Variants in PCDH19 observed in about 807,000 individuals in gnomAD.
PCDH19 encodes the protein protocadherin 19, also known as protocadherin-19.
PCDH19 carries 6 observed loss-of-function variants against 46.2 expected under a neutral mutation model. The ratio of observed to expected loss-of-function variants is 0.13; its 90% CI spans 0.07 to 0.26. The LOEUF (loss-of-function observed/expected upper bound fraction) is 0.26, where lower values mean the gene tolerates loss of function less well. Ranked by LOEUF, PCDH19 falls within the 10% of genes least tolerant of loss-of-function variation. PCDH19 has a pLI of 1.00. For missense variants in PCDH19, 740 were observed against 972.3 expected (o/e 0.76, Z 3.18); for synonymous variants, 481 against 415.7 (o/e 1.16, Z -1.91).
chrX:100,345,692 G>A (rs5921553), intron 4 of PCDH19, among the ~76,000 whole-genome samples: 36,190 of 110,775 alleles, frequency 0.33, 5,292 homozygotes, highest in East Asian at 0.65. Flanking sequence ...CTACTAGGAT[G>A]TAAGGGACTG....
chrX:100,363,028 G>A (rs1201514115), intron 3 of PCDH19, among the ~76,000 whole-genome samples: 2 of 110,014 alleles, frequency 1.8e-5, no homozygotes, highest in Non-Finnish European at 3.8e-5. Context: ...AATATCAGCC[G>A]AGTGCGGTGG....
At chrX:100,333,172 AGG>A (rs1240061311) in intron 5 of PCDH19, among the ~76,000 whole-genome samples, 1 of 22,198 alleles carries the variant, frequency 4.5e-5, no homozygotes, top group Admixed American at 4.3e-4. Context: ...GAAGGAAGGA[AGG>A]GAGAGAGAGA....
Position 100,409,604 on chromosome X carries a change from A to T in PCDH19, c.-1007T>A, listed in dbSNP as rs1221211148. 1 of 126,629 alleles carries T rather than the reference A, an allele frequency of 7.9e-6. No homozygotes were observed. Among genetic ancestry groups the T allele is most frequent in the Admixed American group, 9.1e-5 (1 of 10,939 alleles). 10.4% of individuals were successfully genotyped at this position (126,629 alleles called of 1,213,427 possible). On this transcript the variant is annotated 5_prime_UTR_variant, in exon 1 of 6. Coordinates refer to ENST00000373034, the MANE Select transcript of PCDH19 (RefSeq NM_001184880.2). ...CCGGGGGTGGCGGGGAATGGGGAAGAGGGAAGGGGAGGCAACAACAGTACC... is the reference window on the plus strand; with the variant it reads ...CCGGGGGTGGCGGGGAATGGGGAAGTGGGAAGGGGAGGCAACAACAGTACC...
At chrX:100,329,333 T>C (rs1925802173) in intron 5 of PCDH19, among the ~76,000 whole-genome samples, 2 of 111,676 alleles carry the variant, frequency 1.8e-5, no homozygotes, top group African/African-American at 3.3e-5. Context: ...ATTTCTGAGT[T>C]CTCATTTTGT....
Position 100,402,831 on chromosome X carries a change from C to T in PCDH19, c.2309G>A (p.Gly770Glu). Residue 770 changes from glycine (G) to glutamate (E), a missense_variant, in exon 3 of 6, where the codon GGG (glycine) becomes GAG (glutamate). Coordinates refer to ENST00000373034, the MANE Select transcript of PCDH19 (RefSeq NM_001184880.2). ...CTTCTTGCTTGATTTCTTTTGATGC[C>T]CATAGGAGTACTCAGCAATTCTATG... Reference protein sequence around the residue: ...RGKRIAEYSYGHQKKSSKKKK... With the variant: ...RGKRIAEYSYEHQKKSSKKKK... The T allele has an allele frequency of 8.3e-7, 1 of 1,207,665 alleles. No individual in the cohort carries two copies. The highest frequency in any genetic ancestry group is 1.8e-5 in the South Asian group (1 of 56,876).
chrX:100,326,901 C>A (rs1925711429), intron 5 of PCDH19, among the ~76,000 whole-genome samples: 1 of 111,258 alleles, frequency 9.0e-6, no homozygotes, highest in African/African-American at 3.3e-5. Context: ...CTGATTCTCC[C>A]CTCTGAGACT....
chrX:100,341,398 G>C (rs1269280504), intron 5 of PCDH19, among the ~76,000 whole-genome samples: 2 of 111,649 alleles, frequency 1.8e-5, no homozygotes, highest in East Asian at 2.8e-4. Context: ...AGACAAAATG[G>C]GAAGTTTGGT....
intron 5 of PCDH19, among the ~76,000 whole-genome samples, chrX:100,341,315 C>T (rs1352267060): frequency 1.8e-5 from 2 of 111,811 alleles, no homozygotes; most frequent in Non-Finnish European, 3.8e-5. Flanking sequence ...TTCTCTTACC[C>T]TGGTCTCCCC....
At chrX:100,297,333 CT>C (rs1180608398) in intron 5 of PCDH19, among the ~76,000 whole-genome samples, 12 of 110,916 alleles carry the variant, frequency 1.1e-4, no homozygotes, top group African/African-American at 3.6e-4. Flanking sequence ...GCCAAACACC[CT>C]TCCACCCTAC....
chrX:100,395,045 G>A (rs1176502756), intron 3 of PCDH19, among the ~76,000 whole-genome samples: 2 of 110,005 alleles, frequency 1.8e-5, no homozygotes, highest in African/African-American at 6.6e-5. Flanking sequence ...CCGCCACCAC[G>A]CCCGGCTAAT....
chrX:100,384,994 A>G (rs1395993550), intron 3 of PCDH19, among the ~76,000 whole-genome samples: 1 of 109,780 alleles, frequency 9.1e-6, no homozygotes, highest in Non-Finnish European at 1.9e-5. Context: ...ACCTGTCTCT[A>G]CTAAAAATAC....
At chrX:100,378,230 G>A (rs919488698) in intron 3 of PCDH19, among the ~76,000 whole-genome samples, 1 of 112,813 alleles carries the variant, frequency 8.9e-6, no homozygotes, top group Non-Finnish European at 1.9e-5. Flanking sequence ...TGTCCTTTGT[G>A]TTTAGATTAT....
intron 5 of PCDH19, among the ~76,000 whole-genome samples, chrX:100,299,496 C>T (rs907558927): frequency 4.5e-5 from 5 of 111,234 alleles, no homozygotes; most frequent in Non-Finnish European, 7.5e-5. Context: ...ACTAGGCTGC[C>T]TCAAATGAAC....
chrX:100,333,112 G>A (rs866404991), intron 5 of PCDH19, among the ~76,000 whole-genome samples: 1 of 34,909 alleles, frequency 2.9e-5, no homozygotes, highest in African/African-American at 9.7e-5. Context: ...GAAGGAGGGA[G>A]GGAAGGAAGG....
Position 100,400,784 on chromosome X carries a change from A to C in PCDH19, c.2616+1740T>G, listed in dbSNP as rs1928155256. On this transcript the variant is annotated intron_variant, in intron 3 of 5. Coordinates refer to ENST00000373034, the MANE Select transcript of PCDH19 (RefSeq NM_001184880.2). ...GGAATTATTGTTCAGGAACTAGAAG[A>C]AGCAATCAATGTAAGTGGTCCTAAG... Among the ~76,000 whole-genome samples, 2 of 112,426 alleles carry C rather than the reference A, an allele frequency of 1.8e-5. 1 individual carries two copies. Among genetic ancestry groups the C allele is most frequent in the South Asian group, 7.4e-4 (2 of 2,708 alleles).
At chrX:100,298,133 CTA>C (rs1924673424) in intron 5 of PCDH19, among the ~76,000 whole-genome samples, 1 of 110,649 alleles carries the variant, frequency 9.0e-6, no homozygotes, top group Middle Eastern at 4.3e-3. Context: ...ACTTGTATTT[CTA>C]TATTTTTGGT....
intron 3 of PCDH19, among the ~76,000 whole-genome samples, chrX:100,377,011 G>A (rs1309865874): frequency 1.8e-5 from 2 of 112,058 alleles, no homozygotes; most frequent in East Asian, 5.6e-4. Context: ...ACAGTATTTT[G>A]GTACCAAAAG....
At chrX:100,376,235 C>CAAAA (rs1171817638) in intron 3 of PCDH19, among the ~76,000 whole-genome samples, 3 of 32,876 alleles carry the variant, frequency 9.1e-5, no homozygotes, top group African/African-American at 2.2e-4. Flanking sequence ...AACTCCGTCT[C>CAAAA]AAAAAAAAAA....
chrX:100,317,000 A>G (rs1181793594), intron 5 of PCDH19, among the ~76,000 whole-genome samples: 2 of 111,956 alleles, frequency 1.8e-5, no homozygotes, highest in African/African-American at 6.5e-5. Context: ...TCCTACTGCC[A>G]TAACTGGAGC....
Sources: allele counts gnomAD v4.1 joint callset (sites outside exome capture counted in the v4.1 genomes callset), GRCh38; gene constraint gnomAD v4.1.1; transcripts MANE v1.5; gene names NCBI Gene and HGNC (gene_info 2026-07-23, HGNC 2026-07-21).